DIS3L2: variants seen among roughly 807,000 people sequenced by gnomAD.
DIS3L2 encodes DIS3 like 3'-5' exoribonuclease 2.
DIS3L2 carries 34 observed loss-of-function variants against 97.5 expected under a neutral mutation model. That is an observed-to-expected ratio of 0.35 (90% CI 0.27 to 0.46). The LOEUF is 0.46. Among genes scored for constraint, DIS3L2 ranks in the 20% least tolerant of loss-of-function variants. The probability of loss-of-function intolerance (pLI) is 1.00; values close to 1 mark genes in which losing one functional copy is unlikely to be tolerated. For synonymous variants in DIS3L2, 435 were observed against 445.2 expected (o/e 0.98, Z 0.29); for missense variants, 1,038 against 1,146.0 (o/e 0.91, Z 1.36).
Position 232,131,002 on chromosome 2 carries a change from A to G in DIS3L2, c.702+283A>G, listed in dbSNP as rs1020031864. ...GCTTAAACCACACTTGTAATGCAGC[A>G]TTTATCACTTTGAGTTTTGGTGGAG... On this transcript the variant is annotated intron_variant, in intron 7 of 20. Coordinates refer to ENST00000325385, the MANE Select transcript of DIS3L2 (RefSeq NM_152383.5). 27 of 343,960 alleles carry G rather than the reference A, an allele frequency of 7.8e-5. No individual in the cohort carries two copies. The Admixed American group carries it at 8.5e-4, about 11-fold the overall frequency. 21.3% of individuals were successfully genotyped at this position (343,960 alleles called of 1,614,324 possible).
chr2:232,318,340 C>T (rs1318714380), intron 14 of DIS3L2, among the ~76,000 whole-genome samples: 2 of 152,262 alleles, frequency 1.3e-5, no homozygotes, highest in Admixed American at 6.5e-5. Context: ...CCCACACCCT[C>T]GTGGGTTGGA....
intron 13 of DIS3L2, among the ~76,000 whole-genome samples, chr2:232,271,262 CTGT>C (rs1412166990): frequency 6.6e-6 from 1 of 152,168 alleles, no homozygotes; most frequent in Non-Finnish European, 1.5e-5. Flanking sequence ...GGGCTGAGAA[CTGT>C]TGTTGCATTC....
rs571777977 is a variant in DIS3L2 at position 232,052,418 on chromosome 2, A to G, written c.366+22338A>G. 2.6e-5 allele frequency among the ~76,000 whole-genome samples: 4 copies of G among 152,278 alleles called. No homozygotes were observed. The East Asian group carries it at 7.7e-4, about 29-fold the overall frequency. ...GTCTGTTTTCTCCTTGGGGTCTCAAATACAGTAGTTTAACTATTTCTCAGT... is the reference window on the plus strand; with the variant it reads ...GTCTGTTTTCTCCTTGGGGTCTCAAGTACAGTAGTTTAACTATTTCTCAGT... On this transcript the variant is annotated intron_variant, in intron 5 of 20. Coordinates refer to ENST00000325385, the MANE Select transcript of DIS3L2 (RefSeq NM_152383.5).
intron 5 of DIS3L2, among the ~76,000 whole-genome samples, chr2:232,054,984 G>A (rs1048883358): frequency 2.0e-5 from 3 of 152,242 alleles, no homozygotes; most frequent in South Asian, 2.1e-4. Flanking sequence ...AATTCATCAC[G>A]TTACCAGAAG....
rs1690240690 is a variant in DIS3L2, at chr2:232,147,148, A to C, written c.950+10429A>C. On this transcript the variant is annotated intron_variant, in intron 8 of 20. Transcript: ENST00000325385. ...AAACTTAATTTTAATTAATTAATTA[A>C]TAAATAGGAATGGGGTCTTGCTGTG... Among the ~76,000 whole-genome samples, 10 of 152,216 alleles carry C rather than the reference A, an allele frequency of 6.6e-5. No homozygotes were observed. The South Asian group carries it at 2.1e-3, about 32-fold the overall frequency.
chr2:232,005,170 A>ATTTTTTTTTTTTTTTTTTT (rs55757645), intron 1 of DIS3L2, among the ~76,000 whole-genome samples: 2 of 126,562 alleles, frequency 1.6e-5, no homozygotes, highest in Non-Finnish European at 1.6e-5. Context: ...AAGAATCTTG[A>ATTTTTTTTTTTTTTTTTTT]TTTTTTTTTT....
At chr2:232,031,359 A>G (rs1011891858) in intron 5 of DIS3L2, among the ~76,000 whole-genome samples, 1 of 152,100 alleles carries the variant, frequency 6.6e-6, no homozygotes. Flanking sequence ...GAATTCAGTA[A>G]TGAGTAGTAT....
At position 232,158,200 on chromosome 2, in the gene DIS3L2, AC is replaced by A. The variant is rs543905580; in HGVS notation, c.951-5258del. ...ATTGTCTTTTCAGAGACCATCCCTT[AC>A]AATGGATTTAATGCTATCGTGTCCA... On this transcript the variant is annotated intron_variant, in intron 8 of 20. Coordinates refer to ENST00000325385, the MANE Select transcript of DIS3L2 (RefSeq NM_152383.5). 2.9e-3 allele frequency among the ~76,000 whole-genome samples: 434 copies of A among 152,238 alleles called. 1 individual carries two copies. The highest frequency in any genetic ancestry group is 4.7e-3 in the Non-Finnish European group (323 of 68,008).
chr2:232,250,354 CAT>C (rs1308816089), intron 12 of DIS3L2, among the ~76,000 whole-genome samples: 1 of 151,052 alleles, frequency 6.6e-6, no homozygotes, highest in Non-Finnish European at 1.5e-5. Context: ...TTTTTAAAGA[CAT>C]AAACCCACAA....
intron 6 of DIS3L2, among the ~76,000 whole-genome samples, chr2:232,088,693 A>G (rs1355792372): frequency 6.6e-6 from 1 of 152,164 alleles, no homozygotes; most frequent in Non-Finnish European, 1.5e-5. Context: ...TCTGATTGAA[A>G]TCTAAGCCAT....
downstream of DIS3L2, chr2:232,341,004 G>C (rs1019029766): frequency 4.3e-6 from 2 of 460,184 alleles, no homozygotes; most frequent in East Asian, 1.4e-4. Flanking sequence ...TGAAACGAGA[G>C]GAGGTTGCTC....
chr2:232,285,150 T>A (rs768242609), intron 13 of DIS3L2, among the ~76,000 whole-genome samples: 17 of 152,354 alleles, frequency 1.1e-4, no homozygotes, highest in Admixed American at 4.6e-4. Flanking sequence ...GTTTTTGGAC[T>A]AGCTGACTGA....
chr2:232,001,141 A>T (rs956605835), intron 1 of DIS3L2, among the ~76,000 whole-genome samples: 2 of 152,168 alleles, frequency 1.3e-5, no homozygotes, highest in Non-Finnish European at 2.9e-5. Flanking sequence ...ACTGTTTTCC[A>T]TAATGGCTAT....
At chr2:232,012,962 G>C (rs1249511172) in intron 1 of DIS3L2, among the ~76,000 whole-genome samples, 3 of 152,052 alleles carry the variant, frequency 2.0e-5, no homozygotes, top group Admixed American at 2.0e-4. Flanking sequence ...TCAAGTATTT[G>C]GTGGATTGCC....
chr2:231,995,397 G>C (rs1261257851), intron 1 of DIS3L2, among the ~76,000 whole-genome samples: 1 of 152,172 alleles, frequency 6.6e-6, no homozygotes, highest in African/African-American at 2.4e-5. Context: ...TGAATGTTCA[G>C]AGGAGACTTT....
At chr2:232,107,919 G>A (rs1470430153) in intron 6 of DIS3L2, among the ~76,000 whole-genome samples, 4 of 152,038 alleles carry the variant, frequency 2.6e-5, no homozygotes, top group South Asian at 2.1e-4. Context: ...CCTACCAACC[G>A]AAGAAAGCCC....
At chr2:231,990,196 A>G (rs1693544665) in intron 1 of DIS3L2, among the ~76,000 whole-genome samples, 1 of 150,958 alleles carries the variant, frequency 6.6e-6, no homozygotes, top group Non-Finnish European at 1.5e-5. Context: ...TTTTTTAAAG[A>G]TGAGGTTTTA....
intron 5 of DIS3L2, among the ~76,000 whole-genome samples, chr2:232,055,727 A>G (rs192336794): frequency 2.0e-5 from 3 of 152,206 alleles, no homozygotes; most frequent in Admixed American, 6.5e-5. Flanking sequence ...AAGACTTACC[A>G]TAAGTGAGCA....
chr2:232,243,041 C>T (rs1174330766), intron 11 of DIS3L2, among the ~76,000 whole-genome samples: 2 of 152,166 alleles, frequency 1.3e-5, no homozygotes, highest in Non-Finnish European at 2.9e-5. Context: ...ATCAGGCTAC[C>T]TTCAGGTACA....
Sources: allele counts gnomAD v4.1 joint callset (sites outside exome capture counted in the v4.1 genomes callset), GRCh38; gene constraint gnomAD v4.1.1; transcripts MANE v1.5; gene names NCBI Gene and HGNC (gene_info 2026-07-23, HGNC 2026-07-21).